The following PCMTD1 variants were observed in gnomAD, a reference collection of about 807,000 sequenced individuals.
The protein encoded by PCMTD1 is protein-L-isoaspartate (D-aspartate) O-methyltransferase domain containing 1.
PCMTD1 carries 12 observed loss-of-function variants against 37.6 expected under a neutral mutation model. That is an observed-to-expected ratio of 0.32 (90% CI 0.20 to 0.52). The LOEUF is 0.52. PCMTD1 is among the 20% of genes least tolerant of loss of function. The pLI is 0.97. For missense variants in PCMTD1, 235 were observed against 421.3 expected, an observed-to-expected ratio of 0.56 and a Z score of 3.87; for synonymous variants, 117 against 135.8, an observed-to-expected ratio of 0.86 and a Z score of 0.96.
chr8:51,887,612 A>T (rs187410544), intron 1 of PCMTD1, among the ~76,000 whole-genome samples: 2 of 152,174 alleles, frequency 1.3e-5, no homozygotes, highest in Admixed American at 1.3e-4. Flanking sequence ...AAAAAACAAA[A>T]CTATCAATCA....
At chr8:51,885,642 G>A (rs941473559) in intron 1 of PCMTD1, among the ~76,000 whole-genome samples, 5 of 152,220 alleles carry the variant, frequency 3.3e-5, no homozygotes, top group African/African-American at 4.8e-5. Context: ...GGCATAGGTA[G>A]GCAGACTAAA....
chr8:51,821,977 C>T (rs35293585), intron 5 of PCMTD1, among the ~76,000 whole-genome samples: 77,132 of 151,988 alleles, frequency 0.51, 23,674 homozygotes, highest in Non-Finnish European at 0.68. Flanking sequence ...CCTCGTGATC[C>T]GCCCACCTTG....
intron 1 of PCMTD1, among the ~76,000 whole-genome samples, chr8:51,867,476 G>GGT (rs59206546): frequency 0.069 from 9,769 of 141,338 alleles, 318 homozygotes; most frequent in South Asian, 0.094. Flanking sequence ...TAAAGAAAAT[G>GGT]GTGTGTGTGT....
At chr8:51,828,837 C>T (rs955849943) in intron 5 of PCMTD1, among the ~76,000 whole-genome samples, 1 of 152,072 alleles carries the variant, frequency 6.6e-6, no homozygotes, top group African/African-American at 2.4e-5. Context: ...TTTCTGTGTC[C>T]CAGAGAATAC....
chr8:51,886,357 C>T (rs565969446), intron 1 of PCMTD1, among the ~76,000 whole-genome samples: 62 of 152,332 alleles, frequency 4.1e-4, no homozygotes, highest in Admixed American at 2.4e-3. Flanking sequence ...AGACCAGCTA[C>T]TCTTTAATTA....
chr8:51,838,545 T>C (rs542592088), intron 3 of PCMTD1, among the ~76,000 whole-genome samples: 2 of 152,076 alleles, frequency 1.3e-5, no homozygotes, highest in African/African-American at 2.4e-5. Flanking sequence ...TATATTTATA[T>C]ATGTGAATAA....
intron 1 of PCMTD1, among the ~76,000 whole-genome samples, chr8:51,880,909 C>T (rs1563360782): frequency 6.6e-6 from 1 of 152,180 alleles, no homozygotes; most frequent in African/African-American, 2.4e-5. Context: ...TATTTCTGGA[C>T]ACTAAAATTG....
intron 2 of PCMTD1, among the ~76,000 whole-genome samples, chr8:51,857,172 A>G (rs1190755026): frequency 6.6e-6 from 1 of 152,232 alleles, no homozygotes; most frequent in African/African-American, 2.4e-5. Context: ...GCTTCTAAAC[A>G]ATATGGCAAC....
intron 1 of PCMTD1, among the ~76,000 whole-genome samples, chr8:51,877,941 A>T (rs1278816589): frequency 6.6e-6 from 1 of 152,142 alleles, no homozygotes; most frequent in Non-Finnish European, 1.5e-5. Flanking sequence ...ACTCCAAACT[A>T]CTCCAAATGG....
Position 51,818,639 on chromosome 8 carries a change from T to C in PCMTD1, c.*1712A>G. ...GCATTTCTTAACAGTTTAGTAATCG[T>C]CTAAGAATAATTGTAGAAATAACCC... On this transcript the variant is annotated 3_prime_UTR_variant, in exon 6 of 6. Transcript: ENST00000522514. The C allele has an allele frequency of 6.6e-6, 1 of 152,340 alleles. No individual in the cohort carries two copies. The highest frequency in any genetic ancestry group is 1.9e-4 in the East Asian group (1 of 5,210). 9.4% of individuals were successfully genotyped at this position (152,340 alleles called of 1,614,324 possible).
chr8:51,888,819 C>T (rs2038899165), intron 1 of PCMTD1, among the ~76,000 whole-genome samples: 3 of 152,190 alleles, frequency 2.0e-5, no homozygotes, highest in South Asian at 4.1e-4. Context: ...CAAATTATCC[C>T]GCATAACTCA....
intron 3 of PCMTD1, among the ~76,000 whole-genome samples, chr8:51,842,146 A>T (rs759812707): frequency 7.9e-5 from 12 of 152,194 alleles, no homozygotes; most frequent in Non-Finnish European, 1.5e-4. Flanking sequence ...TACATCAGAC[A>T]TGAAACTTCC....
chr8:51,892,340 GC>G (rs2038948057), intron 1 of PCMTD1, among the ~76,000 whole-genome samples: 1 of 152,112 alleles, frequency 6.6e-6, no homozygotes, highest in African/African-American at 2.4e-5. Flanking sequence ...GCTGACCCTT[GC>G]CCAGAGTGGA....
intron 1 of PCMTD1, among the ~76,000 whole-genome samples, chr8:51,870,583 T>A (rs2038625018): frequency 6.6e-6 from 1 of 152,194 alleles, no homozygotes; most frequent in Non-Finnish European, 1.5e-5. Flanking sequence ...GTGCCTACTA[T>A]ATACCTAGCA....
chr8:51,897,156 C>A (rs2039014787), intron 1 of PCMTD1, among the ~76,000 whole-genome samples: 2 of 152,150 alleles, frequency 1.3e-5, no homozygotes, highest in Admixed American at 1.3e-4. Context: ...GTTGTTCTTT[C>A]CCTGGAAGCT....
intron 3 of PCMTD1, among the ~76,000 whole-genome samples, chr8:51,836,794 G>A (rs1480843705): frequency 2.0e-5 from 3 of 152,054 alleles, no homozygotes; most frequent in Non-Finnish European, 2.9e-5. Flanking sequence ...GGCTTGTCTT[G>A]TACTCCTGGC....
At chr8:51,839,118 A>G (rs191166511) in intron 3 of PCMTD1, among the ~76,000 whole-genome samples, 10 of 152,284 alleles carry the variant, frequency 6.6e-5, no homozygotes, top group Non-Finnish European at 1.2e-4. Flanking sequence ...GTTCAAAACA[A>G]AATTTCCAAG....
intron 1 of PCMTD1, among the ~76,000 whole-genome samples, chr8:51,883,488 CAG>C (rs1469368156): frequency 6.6e-6 from 1 of 152,132 alleles, no homozygotes; most frequent in East Asian, 1.9e-4. Context: ...AGAAATTCAA[CAG>C]ATTTTCTTCT....
chr8:51,827,944 T>C (rs2037944812), intron 5 of PCMTD1, among the ~76,000 whole-genome samples: 1 of 151,808 alleles, frequency 6.6e-6, no homozygotes, highest in African/African-American at 2.4e-5. Flanking sequence ...TTGAAATTCT[T>C]AAAATGAGGC....
Sources: allele counts gnomAD v4.1 joint callset (sites outside exome capture counted in the v4.1 genomes callset), GRCh38; gene constraint gnomAD v4.1.1; transcripts MANE v1.5; gene names NCBI Gene and HGNC (gene_info 2026-07-23, HGNC 2026-07-21).